The following CHST8 variants were observed in gnomAD, a reference collection of about 807,000 sequenced individuals.
CHST8 encodes the protein carbohydrate sulfotransferase 8, also known as GALNAC-4-ST1.
A neutral mutation model predicts 15.0 loss-of-function variants in CHST8; 10 were observed. That is an observed-to-expected ratio of 0.67 (90% CI 0.41 to 1.13). The LOEUF is 1.13. CHST8 is among the 50% of genes most tolerant of loss of function. The pLI, the probability that CHST8 is intolerant of heterozygous loss-of-function variation, is 0.00. For missense variants in CHST8, 634 were observed against 608.2 expected (o/e 1.04, Z -0.45); for synonymous variants, 259 against 256.6 (o/e 1.01, Z -0.09).
chr19:33,627,403 C>T lies in CHST8; in HGVS notation c.-164+5107C>T, dbSNP rs756613363. Among the ~76,000 whole-genome samples, 3 of 152,014 alleles carry T rather than the reference C, an allele frequency of 2.0e-5. No individual in the cohort carries two copies. In the East Asian group the frequency reaches 5.8e-4, roughly 29 times the overall value. ...CTGGGTTTATAGGCGTGAGCCAGCACGCCCGACCCTTTTTCTTTATATATT... is the reference window on the plus strand; with the variant it reads ...CTGGGTTTATAGGCGTGAGCCAGCATGCCCGACCCTTTTTCTTTATATATT... On this transcript the variant is annotated intron_variant, in intron 1 of 4. Coordinates refer to ENST00000650847, the MANE Select transcript of CHST8 (RefSeq NM_001127895.2).
intron 1 of CHST8, among the ~76,000 whole-genome samples, chr19:33,645,330 T>C (rs1480899228): frequency 6.6e-6 from 1 of 152,028 alleles, no homozygotes; most frequent in African/African-American, 2.4e-5. Context: ...AATGGCAGGG[T>C]TTTGAACAGA....
chr19:33,633,786 T>TGG (rs1290982042), intron 1 of CHST8, among the ~76,000 whole-genome samples: 2 of 140,446 alleles, frequency 1.4e-5, no homozygotes, highest in African/African-American at 3.2e-5. Context: ...TGTGTGTGTG[T>TGG]GTGTGTGTGT....
chr19:33,725,739 C>T (rs1289574885), intron 3 of CHST8, among the ~76,000 whole-genome samples: 2 of 152,236 alleles, frequency 1.3e-5, no homozygotes, highest in African/African-American at 2.4e-5. Flanking sequence ...GCCAAGAGAA[C>T]AGAGCTGGAG....
At chr19:33,739,034 C>T (rs1974137951) in intron 3 of CHST8, among the ~76,000 whole-genome samples, 1 of 152,140 alleles carries the variant, frequency 6.6e-6, no homozygotes, top group East Asian at 1.9e-4. Context: ...GGGCCGCATC[C>T]ACAGGGATCA....
chr19:33,631,942 TAA>T (rs1242540975), intron 1 of CHST8, among the ~76,000 whole-genome samples: 1 of 152,186 alleles, frequency 6.6e-6, no homozygotes, highest in East Asian at 1.9e-4. Flanking sequence ...CTGTTGTGCC[TAA>T]GAGTCCACAA....
At chr19:33,650,485 TTTTTC>T (rs1175296209) in intron 1 of CHST8, among the ~76,000 whole-genome samples, 3 of 148,732 alleles carry the variant, frequency 2.0e-5, no homozygotes, top group Non-Finnish European at 3.0e-5. Flanking sequence ...AAGTTTCTTT[TTTTTC>T]TTTTCTTTTT....
chr19:33,746,826 T>C (rs1599613648), intron 3 of CHST8, among the ~76,000 whole-genome samples: 1 of 136,148 alleles, frequency 7.3e-6, no homozygotes, highest in Admixed American at 7.4e-5. Context: ...CATTTTGTTC[T>C]TTTTTTTTTT....
At chr19:33,634,726 T>G (rs562067930) in intron 1 of CHST8, among the ~76,000 whole-genome samples, 1 of 142,390 alleles carries the variant, frequency 7.0e-6, no homozygotes, top group African/African-American at 2.6e-5. Context: ...CTTTCTGTCA[T>G]GTCCACGGCT....
At chr19:33,689,044 AG>A in intron 2 of CHST8, 131 bp from the exon 3 acceptor site, 1 of 421,522 alleles carries the variant, frequency 2.4e-6, no homozygotes, top group Non-Finnish European at 4.1e-6. Context: ...AAGGATGGAA[AG>A]GGCACCCCTG....
intron 1 of CHST8, among the ~76,000 whole-genome samples, chr19:33,638,564 G>A (rs930123815): frequency 6.6e-6 from 1 of 152,116 alleles, no homozygotes; most frequent in African/African-American, 2.4e-5. Flanking sequence ...GCACACACAC[G>A]CTCTCCATAG....
chr19:33,672,240 C>G (rs1972747579), intron 2 of CHST8, among the ~76,000 whole-genome samples: 1 of 151,932 alleles, frequency 6.6e-6, no homozygotes, highest in African/African-American at 2.4e-5. Context: ...CTCTTTTGCC[C>G]AGGCTGGAGT....
chr19:33,757,160 C>T (rs112600130), intron 3 of CHST8, among the ~76,000 whole-genome samples: 1,794 of 152,038 alleles, frequency 0.012, 26 homozygotes, highest in African/African-American at 0.039. Context: ...GAGGCCCAGG[C>T]AGGTGGATTG....
chr19:33,719,504 G>A (rs1004357120), intron 3 of CHST8, among the ~76,000 whole-genome samples: 1 of 152,156 alleles, frequency 6.6e-6, no homozygotes, highest in Non-Finnish European at 1.5e-5. Context: ...ATGGGGAGTT[G>A]CTGAAAATGA....
At chr19:33,642,209 A>G (rs1294175131) in intron 1 of CHST8, among the ~76,000 whole-genome samples, 1 of 151,938 alleles carries the variant, frequency 6.6e-6, no homozygotes, top group Non-Finnish European at 1.5e-5. Context: ...GGGACTGCAG[A>G]TGGGTGGGCG....
chr19:33,699,515 G>A (rs1395935704), intron 3 of CHST8, among the ~76,000 whole-genome samples: 2 of 152,154 alleles, frequency 1.3e-5, no homozygotes, highest in Non-Finnish European at 2.9e-5. Context: ...AACAGGAGGT[G>A]CTGACCTCCA....
chr19:33,688,316 A>G (rs1344214419), intron 2 of CHST8, among the ~76,000 whole-genome samples: 1 of 152,162 alleles, frequency 6.6e-6, no homozygotes, highest in Non-Finnish European at 1.5e-5. Flanking sequence ...CCTGCCCTCT[A>G]GGAGGAAGCG....
At chr19:33,634,637 G>T (rs573764718) in intron 1 of CHST8, among the ~76,000 whole-genome samples, 1 of 131,158 alleles carries the variant, frequency 7.6e-6, no homozygotes, top group African/African-American at 3.0e-5. Context: ...TGACCCATTG[G>T]TCCTTCTAGG....
chr19:33,634,677 C>CAAAAAAAA (rs3040761), intron 1 of CHST8, among the ~76,000 whole-genome samples: 12 of 52,348 alleles, frequency 2.3e-4, no homozygotes, highest in Admixed American at 3.2e-4. Flanking sequence ...GTCACGAAAC[C>CAAAAAAAA]AAAAAAAAAA....
chr19:33,693,167 T>A (rs1383234668), intron 3 of CHST8, among the ~76,000 whole-genome samples: 1 of 151,892 alleles, frequency 6.6e-6, no homozygotes, highest in Non-Finnish European at 1.5e-5. Flanking sequence ...CCACCACCCC[T>A]GGCTAATTTT....
Sources: allele counts gnomAD v4.1 joint callset (sites outside exome capture counted in the v4.1 genomes callset), GRCh38; gene constraint gnomAD v4.1.1; transcripts MANE v1.5; gene names NCBI Gene and HGNC (gene_info 2026-07-23, HGNC 2026-07-21).